Variants in GXYLT1 observed in about 807,000 individuals in gnomAD.
GXYLT1 encodes glycosyltransferase 8 domain containing 3.
Under a neutral mutation model 54.0 loss-of-function variants are expected in GXYLT1, and 29 were observed. That is an observed-to-expected ratio of 0.54 (90% CI 0.40 to 0.73). The LOEUF is 0.73. GXYLT1 is among the 30% of genes least tolerant of loss of function. The probability of loss-of-function intolerance (pLI) is 0.00; values close to 1 mark genes in which losing one functional copy is unlikely to be tolerated. For missense variants in GXYLT1, 490 were observed against 553.4 expected (o/e 0.89, Z 1.15); for synonymous variants, 176 against 204.1 (o/e 0.86, Z 1.17).
intron 1 of GXYLT1, among the ~76,000 whole-genome samples, chr12:42,135,756 A>T (rs1437177999): frequency 6.6e-6 from 1 of 152,242 alleles, no homozygotes; most frequent in Non-Finnish European, 1.5e-5. Flanking sequence ...AAACAGGCAG[A>T]CAGAAAGTAG....
In GXYLT1 at chr12:42,144,637, A is replaced by G. The variant is rs748494644; in HGVS notation, c.10T>C (p.Tyr4His). ...ACACACAGCACCACGACGCGCAGGTAGCGCCGCATCGCCCCGGCCGCGCTC... is the reference window on the plus strand; with the variant it reads ...ACACACAGCACCACGACGCGCAGGTGGCGCCGCATCGCCCCGGCCGCGCTC... MRR[Y>H]LRVVVLCVAC... Residue 4 changes from tyrosine (Y) to histidine (H), a missense_variant, in exon 1 of 8, where the codon TAC (tyrosine) becomes CAC (histidine). Physicochemically the swap from Tyr to His is moderately conservative, Grantham distance 83 (BLOSUM62 2). Coordinates refer to ENST00000398675, the MANE Select transcript of GXYLT1 (RefSeq NM_173601.2). 6.9e-7 allele frequency: 1 copy of G among 1,456,590 alleles called. No individual in the cohort carries two copies. The highest frequency in any genetic ancestry group is 9.1e-7 in the Non-Finnish European group (1 of 1,102,174). The allele number at this position is 1,456,590 out of a possible 1,614,324, so 90.2% of individuals were successfully genotyped here. A position where few individuals can be genotyped will look rare whatever the true frequency, so the allele number is the denominator to read the frequency against.
Position 42,105,841 on chromosome 12 carries a change from G to A in GXYLT1, c.841C>T (p.Arg281Ter), listed in dbSNP as rs1224958895. The A allele has an allele frequency of 4.3e-6, 7 of 1,611,448 alleles. No individual in the cohort carries two copies. In the Admixed American group the frequency reaches 6.7e-5, roughly 15 times the overall value. ...NSGVMLMNMT[R>*]MRRKYFKNDM... is the part of the protein sequence containing the mutation. ...ACCTTGAAATACTTCCTTCTCATTC[G>A]AGTCATGTTCATCAACATAACTCCA... The change falls in exon 5 of 8, where the codon CGA becomes TGA. Residue 281 changes from arginine (R) to a stop codon, truncating the protein, a stop_gained. Coordinates refer to ENST00000398675, the MANE Select transcript of GXYLT1 (RefSeq NM_173601.2). LOFTEE classifies it high-confidence loss of function.
rs551953390 is a variant in GXYLT1 at position 42,095,798 on chromosome 12, T to C, written c.1161+1644A>G. On this transcript the variant is annotated intron_variant, in intron 7 of 7. Transcript: ENST00000398675. ...AGCATACGGAAACGAATGAATCCAA[T>C]TGTATTTCAAATAAATAAAATAATC... 4.0e-3 allele frequency among the ~76,000 whole-genome samples: 603 copies of C among 152,274 alleles called. 3 individuals carry two copies. The highest frequency in any genetic ancestry group is 0.014 in the African/African-American group (572 of 41,552).
chr12:42,116,828 T>C (rs976496921), intron 3 of GXYLT1, among the ~76,000 whole-genome samples: 17 of 152,126 alleles, frequency 1.1e-4, no homozygotes, highest in African/African-American at 3.9e-4. Flanking sequence ...CACATGCACA[T>C]GTATGTTTAT....
chr12:42,119,475 G>A (rs1429676229), intron 2 of GXYLT1, among the ~76,000 whole-genome samples: 2 of 150,596 alleles, frequency 1.3e-5, no homozygotes, highest in African/African-American at 4.9e-5. Flanking sequence ...AGGGAGGGAG[G>A]GAAGGAAAAA....
At chr12:42,143,090 TTC>T (rs1053681325) in intron 1 of GXYLT1, among the ~76,000 whole-genome samples, 2 of 152,218 alleles carry the variant, frequency 1.3e-5, no homozygotes, top group Non-Finnish European at 2.9e-5. Context: ...ATTTGTAAAT[TTC>T]TGTCACAAAA....
At chr12:42,113,695 C>T (rs918935478) in intron 3 of GXYLT1, among the ~76,000 whole-genome samples, 1 of 150,858 alleles carries the variant, frequency 6.6e-6, no homozygotes, top group African/African-American at 2.5e-5. Flanking sequence ...CTTTAACACC[C>T]CACTGTCAAC....
At chr12:42,125,228 CAT>C (rs1485095811) in intron 2 of GXYLT1, among the ~76,000 whole-genome samples, 2 of 152,132 alleles carry the variant, frequency 1.3e-5, no homozygotes, top group Non-Finnish European at 2.9e-5. Context: ...TGTAGACTGA[CAT>C]GTGGAGAAAG....
chr12:42,088,043 TG>T, intron 7 of GXYLT1, 96 bp from the exon 8 acceptor site: 1 of 550,888 alleles, frequency 1.8e-6, no homozygotes, highest in Non-Finnish European at 3.1e-6. Flanking sequence ...CAGTTTAATA[TG>T]AACGATCTCC....
At chr12:42,094,011 T>C (rs1486249367) in intron 7 of GXYLT1, among the ~76,000 whole-genome samples, 1 of 151,878 alleles carries the variant, frequency 6.6e-6, no homozygotes, top group Non-Finnish European at 1.5e-5. Context: ...TAACCTGTTC[T>C]GTAACCCAAG....
At chr12:42,118,911 A>C in intron 3 of GXYLT1, 89 bp downstream of exon 3, 1 of 951,164 alleles carries the variant, frequency 1.1e-6, no homozygotes, top group Admixed American at 3.0e-5. Flanking sequence ...TATTTCTAGC[A>C]ATGTGAACAG....
rs2065261823 is a variant in GXYLT1 at position 42,082,860 on chromosome 12, G to A, written c.*4926C>T. The A allele has an allele frequency of 6.6e-6, 1 of 152,146 alleles. No individual in the cohort carries two copies. Among genetic ancestry groups the A allele is most frequent in the Admixed American group, 6.5e-5 (1 of 15,276 alleles). The allele number at this position is 152,146 out of a possible 1,614,324, so 9.4% of individuals were successfully genotyped here. ...AAGAGGTTGCTATAGTGTGCTATGT[G>A]TGTAAATATTCAGATCCTGTATATA... On this transcript the variant is annotated 3_prime_UTR_variant, in exon 8 of 8. Transcript: ENST00000398675.
At chr12:42,123,269 A>G (rs2065542076) in intron 2 of GXYLT1, among the ~76,000 whole-genome samples, 1 of 152,188 alleles carries the variant, frequency 6.6e-6, no homozygotes, top group African/African-American at 2.4e-5. Context: ...TAAAGTGACA[A>G]TTATGGCTGT....
chr12:42,135,231 T>C (rs887365450), intron 1 of GXYLT1, among the ~76,000 whole-genome samples: 7 of 152,226 alleles, frequency 4.6e-5, no homozygotes, highest in Non-Finnish European at 7.3e-5. Context: ...AATGTATGGA[T>C]TGCTCCTTTA....
chr12:42,127,683 C>CAA, intron 2 of GXYLT1, among the ~76,000 whole-genome samples: 1 of 152,296 alleles, frequency 6.6e-6, no homozygotes, highest in African/African-American at 2.4e-5. Flanking sequence ...TTGTATAAAT[C>CAA]AGAGTATGCT....
chr12:42,114,197 C>T (rs1207825657), intron 3 of GXYLT1, among the ~76,000 whole-genome samples: 1 of 152,132 alleles, frequency 6.6e-6, no homozygotes, highest in Non-Finnish European at 1.5e-5. Flanking sequence ...AAAATTGACA[C>T]CTTAACATCA....
chr12:42,119,155 G>C lies in GXYLT1; in HGVS notation c.331C>G (p.Gln111Glu). ...EAAFRYSLKIQPVEKMHLAVV... is the reference protein window; with the variant it reads ...EAAFRYSLKIEPVEKMHLAVV... ...GCTAGATGCATTTTCTCAACAGGCT[G>C]TATTTTCAGACTGTACCTAATAGGA... The change falls in exon 3 of 8, where the codon CAG (glutamine) becomes GAG (glutamate). Residue 111 changes from glutamine (Q) to glutamate (E), a missense_variant. Around this residue, in one of 2 missense-constraint regions of GXYLT1, gnomAD observed 148 missense variants for 210.7 expected, o/e 0.70. Coordinates refer to ENST00000398675, the MANE Select transcript of GXYLT1 (RefSeq NM_173601.2). The C allele has an allele frequency of 6.2e-7, 1 of 1,613,918 alleles. No individual in the cohort carries two copies. The highest frequency in any genetic ancestry group is 8.5e-7 in the Non-Finnish European group (1 of 1,179,772).
intron 3 of GXYLT1, among the ~76,000 whole-genome samples, chr12:42,116,307 G>A (rs1476079259): frequency 6.6e-6 from 1 of 152,134 alleles, no homozygotes; most frequent in African/African-American, 2.4e-5. Context: ...AAGAGCTTCT[G>A]CACAGCAAAA....
chr12:42,144,399 G>T, intron 1 of GXYLT1, 27 bp downstream of exon 1: 2 of 1,346,270 alleles, frequency 1.5e-6, no homozygotes, highest in Non-Finnish European at 1.9e-6. Context: ...CGCCCGCCGC[G>T]TCCCCCACAC....
Sources: gnomAD v4.1 joint callset for allele counts (sites outside exome capture counted in the v4.1 genomes callset) on GRCh38, gnomAD v4.1.1 for gene constraint, gnomAD v4.1.1 regional missense constraint, MANE v1.5 for transcripts, NCBI Gene and HGNC (gene_info 2026-07-23, HGNC 2026-07-21) for gene names.